OTULIN: variants seen among roughly 807,000 people sequenced by gnomAD.
OTULIN encodes the protein OTU deubiquitinase with linear linkage specificity.
OTULIN carries 15 observed loss-of-function variants against 39.6 expected under a neutral mutation model. The observed-to-expected ratio is 0.38, with a 90% CI of 0.25 to 0.58. OTULIN has a LOEUF of 0.58. Ranked by LOEUF, OTULIN falls within the 20% of genes least tolerant of loss-of-function variation. The pLI, the probability that OTULIN is intolerant of heterozygous loss-of-function variation, is 0.66. For missense variants in OTULIN, 319 were observed against 445.9 expected, an observed-to-expected ratio of 0.72 and a Z score of 2.56; for synonymous variants, 156 against 170.3, an observed-to-expected ratio of 0.92 and a Z score of 0.65.
At chr5:14,711,658 C>G in the OTULIN span, among the ~76,000 whole-genome samples, 1 of 152,224 alleles carries the variant, frequency 6.6e-6, no homozygotes, top group East Asian at 1.9e-4. Context: ...CTCCTTCCTC[C>G]TCCCTAAAGC....
chr5:14,667,365 G>A (rs1190030843), intron 1 of OTULIN, among the ~76,000 whole-genome samples: 1 of 152,172 alleles, frequency 6.6e-6, no homozygotes, highest in Non-Finnish European at 1.5e-5. Flanking sequence ...TAACCACATG[G>A]ATAAGCTACA....
At chr5:14,711,378 G>A in the OTULIN span, 27 of 1,373,150 alleles carry the variant, frequency 2.0e-5, no homozygotes, top group Admixed American at 3.4e-5. Flanking sequence ...ACCACGAGCA[G>A]GGAGACAACA....
At chr5:14,673,747 GTTC>G in intron 2 of OTULIN, 29 bp downstream of exon 2, 1 of 1,583,440 alleles carries the variant, frequency 6.3e-7, no homozygotes, top group South Asian at 1.1e-5. Flanking sequence ...TATTTATAGA[GTTC>G]TTATTGTTTA....
chr5:14,668,898 C>G (rs187224807), intron 1 of OTULIN, among the ~76,000 whole-genome samples: 79 of 152,202 alleles, frequency 5.2e-4, no homozygotes, highest in Non-Finnish European at 7.6e-4. Flanking sequence ...AATTTTGTGT[C>G]TGTACAGTAA....
chr5:14,675,922 G>A lies in OTULIN; in HGVS notation c.229+2204G>A, dbSNP rs180697982. ...ATCTGACTTGCCACCTGGTTTTGTCGATAAAGATTTTTTGAAACATATTAA... is the reference window on the plus strand; with the variant it reads ...ATCTGACTTGCCACCTGGTTTTGTCAATAAAGATTTTTTGAAACATATTAA... On this transcript the variant is annotated intron_variant, in intron 2 of 6. Coordinates refer to ENST00000284274, the MANE Select transcript of OTULIN (RefSeq NM_138348.6). 1.6e-3 allele frequency among the ~76,000 whole-genome samples: 242 copies of A among 152,276 alleles called. 1 individual carries two copies. The highest frequency in any genetic ancestry group is 3.7e-3 in the Admixed American group (57 of 15,306).
At chr5:14,714,930 G>A in the OTULIN span, among the ~76,000 whole-genome samples, 3 of 152,222 alleles carry the variant, frequency 2.0e-5, no homozygotes, top group Non-Finnish European at 4.4e-5. Flanking sequence ...CTCAATCTGC[G>A]AGTGCAGCTG....
chr5:14,694,451 G>C lies in OTULIN; in HGVS notation c.*1403G>C, dbSNP rs1385301314. 1 of 152,234 alleles carries C rather than the reference G, an allele frequency of 6.6e-6. No homozygotes were observed. The highest frequency in any genetic ancestry group is 1.5e-5 in the Non-Finnish European group (1 of 68,050). The allele number at this position is 152,234 out of a possible 1,614,324, so 9.4% of individuals were successfully genotyped here. On this transcript the variant is annotated 3_prime_UTR_variant, in exon 7 of 7. Transcript: ENST00000284274. ...CAGCCCCTGAATTGGCTCAACGTTT[G>C]TGGAGGTGGTATTTCCCTGAAGTAC...
rs33978265 is a variant in OTULIN at position 14,692,679 on chromosome 5, C to CTTTTTT, written c.865-165_865-160dup. Among the ~76,000 whole-genome samples, 106 of 143,230 alleles carry CTTTTTT rather than the reference C, an allele frequency of 7.4e-4. 1 individual carries two copies. The highest frequency in any genetic ancestry group is 2.7e-3 in the South Asian group (12 of 4,516). 94.0% of individuals were successfully genotyped at this position (143,230 alleles called of 152,430 possible). On this transcript the variant is annotated intron_variant, in intron 6 of 6. Transcript: ENST00000284274. ...CATATGATCCATTCTTGATTATCTG[C>CTTTTTT]TTTTTTTTTTTTTTTATTTAAATCG...
intron 4 of OTULIN, 152 bp from the exon 5 acceptor site, chr5:14,687,369 C>A: frequency 1.2e-6 from 1 of 855,672 alleles, no homozygotes; most frequent in Non-Finnish European, 1.7e-6. Context: ...GATTTAGGTC[C>A]TCCATCCTAA....
downstream of OTULIN, among the ~76,000 whole-genome samples, chr5:14,700,673 T>C (rs556876018): frequency 1.7e-4 from 10 of 60,132 alleles, no homozygotes; most frequent in East Asian, 2.6e-3. Flanking sequence ...TCCCCAGCCC[T>C]CCCCTCTGCA....
rs1309781386 is a variant in OTULIN, at chr5:14,699,041, G to GGAA, written c.*5996_*5998dup. 2.6e-5 allele frequency: 4 copies of GGAA among 152,156 alleles called. No individual in the cohort carries two copies. The allele number at this position is 152,156 out of a possible 1,614,324, so 9.4% of individuals were successfully genotyped here. On this transcript the variant is annotated 3_prime_UTR_variant, in exon 7 of 7. Coordinates refer to ENST00000284274, the MANE Select transcript of OTULIN (RefSeq NM_138348.6). ...AAGTGAGGTGCTAGCACTTATTAGG[G>GGAA]GAAGATCCTCCAGACCTGCAAAGCA... is the stretch of plus-strand genomic sequence containing the variant.
At chr5:14,674,556 G>T (rs1401296791) in intron 2 of OTULIN, among the ~76,000 whole-genome samples, 1 of 152,188 alleles carries the variant, frequency 6.6e-6, no homozygotes, top group African/African-American at 2.4e-5. Context: ...AGGAGTTCGA[G>T]ACCGGCCTGG....
downstream of OTULIN, among the ~76,000 whole-genome samples, chr5:14,703,355 A>C (rs1271829795): frequency 1.1e-5 from 1 of 90,310 alleles, no homozygotes; most frequent in Non-Finnish European, 2.3e-5. Context: ...AAAAAAAAAA[A>C]AAAAAAAACT....
At position 14,692,946 on chromosome 5, in the gene OTULIN, C is replaced by T. The variant is rs1736569281; in HGVS notation, c.957C>T (p.Tyr319=). 1.2e-6 allele frequency: 2 copies of T among 1,614,092 alleles called. No homozygotes were observed. Among genetic ancestry groups the T allele is most frequent in the South Asian group, 1.1e-5 (1 of 91,088 alleles). The change falls in exon 7 of 7, where the codon TAC becomes TAT. Residue 319 remains tyrosine, a synonymous_variant. Transcript: ENST00000284274. ...ACACGGAAGAATTCATCACAGTCTACCCCACCGACCCACCCAAGGACTGGC... is the reference window on the plus strand; with the variant it reads ...ACACGGAAGAATTCATCACAGTCTATCCCACCGACCCACCCAAGGACTGGC... ...KYNTEEFITV[Y]PTDPPKDWPV...
Position 14,682,967 on chromosome 5 carries a change from A to T in OTULIN, c.468+1360A>T, listed in dbSNP as rs1736292833. Among the ~76,000 whole-genome samples, 3 of 152,316 alleles carry T rather than the reference A, an allele frequency of 2.0e-5. No homozygotes were observed. In the South Asian group the frequency reaches 6.2e-4, roughly 32 times the overall value. On this transcript the variant is annotated intron_variant, in intron 4 of 6. Transcript: ENST00000284274. ...TTCCTAGAATAAAGAAGACTTTTAG[A>T]GGAACTTGTTGACTAAGCTAGAGGT... is the stretch of plus-strand genomic sequence containing the variant.
At chr5:14,714,248 C>T in the OTULIN span, among the ~76,000 whole-genome samples, 1 of 152,212 alleles carries the variant, frequency 6.6e-6, no homozygotes, top group Non-Finnish European at 1.5e-5. Flanking sequence ...CGTTGGTGTG[C>T]TGCCATTTCA....
chr5:14,666,086 C>G (rs577811419), intron 1 of OTULIN, among the ~76,000 whole-genome samples: 1 of 152,214 alleles, frequency 6.6e-6, no homozygotes, highest in Non-Finnish European at 1.5e-5. Context: ...GTGCTGGTTC[C>G]TAATCGCTGC....
At chr5:14,708,853 G>A in the OTULIN span, 1 of 152,070 alleles carries the variant, frequency 6.6e-6, no homozygotes, top group Non-Finnish European at 1.5e-5. Flanking sequence ...ATCTCATAAT[G>A]AGGAGGCCCT....
chr5:14,673,365 C>T (rs1484552802), intron 1 of OTULIN, among the ~76,000 whole-genome samples: 1 of 152,160 alleles, frequency 6.6e-6, no homozygotes, highest in Admixed American at 6.5e-5. Flanking sequence ...CACTAATAGG[C>T]ATTACAATTA....
Sources: allele counts gnomAD v4.1 joint callset (sites outside exome capture counted in the v4.1 genomes callset), GRCh38; gene constraint gnomAD v4.1.1; transcripts MANE v1.5; gene names NCBI Gene and HGNC (gene_info 2026-07-23, HGNC 2026-07-21).